Variants in PDE4D observed in about 807,000 individuals in gnomAD.
PDE4D encodes the protein 3',5'-cyclic-AMP phosphodiesterase 4D.
A neutral mutation model predicts 87.4 loss-of-function variants in PDE4D; 24 were observed. The ratio of observed to expected loss-of-function variants is 0.27; its 90% CI spans 0.20 to 0.39. The LOEUF (loss-of-function observed/expected upper bound fraction) is 0.39. PDE4D is among the 10% of genes least tolerant of loss of function. PDE4D has a pLI of 1.00. For missense variants in PDE4D, 714 were observed against 1,041.0 expected, an observed-to-expected ratio of 0.69 and a Z score of 4.32; for synonymous variants, 384 against 383.2, an observed-to-expected ratio of 1.00 and a Z score of -0.02.
At chr5:59,066,898 A>G (rs1449677191) in intron 5 of PDE4D, among the ~76,000 whole-genome samples, 3 of 152,128 alleles carry the variant, frequency 2.0e-5, no homozygotes, top group Non-Finnish European at 4.4e-5. Context: ...CTCACAAAAT[A>G]CCAAGTCTAC....
In PDE4D at chr5:59,200,782, T is replaced by C. The variant is rs190825785; in HGVS notation, c.648-7246A>G. ...AGTACATGCATACATATACATACTT[T>C]GGGAGATATAGAACAACTTAAAGAA... is the stretch of plus-strand genomic sequence containing the variant. On this transcript the variant is annotated intron_variant, in intron 2 of 14. Coordinates refer to ENST00000340635, the MANE Select transcript of PDE4D (RefSeq NM_001104631.2). 2.6e-4 allele frequency among the ~76,000 whole-genome samples: 39 copies of C among 151,750 alleles called. 1 individual carries two copies. The highest frequency in any genetic ancestry group is 9.2e-4 in the African/African-American group (38 of 41,354).
intron 3 of PDE4D, among the ~76,000 whole-genome samples, chr5:59,924,774 C>T (rs1359550901): frequency 6.6e-6 from 1 of 152,114 alleles, no homozygotes; most frequent in East Asian, 1.9e-4. Flanking sequence ...ACAAAACTCA[C>T]TGATGATAGT....
chr5:60,259,024 AT>A (rs1221639070), intron 1 of PDE4D, among the ~76,000 whole-genome samples: 2 of 152,038 alleles, frequency 1.3e-5, no homozygotes, highest in Non-Finnish European at 2.9e-5. Flanking sequence ...CTTTCAAAAC[AT>A]TAATTTCTGC....
chr5:60,121,319 AG>A (rs1319121021), intron 2 of PDE4D, among the ~76,000 whole-genome samples: 1 of 152,106 alleles, frequency 6.6e-6, no homozygotes, highest in East Asian at 1.9e-4. Context: ...GGAAATTCTC[AG>A]CAAGTGTTAC....
In PDE4D at chr5:59,532,765, C is replaced by A. The variant is rs558134494; in HGVS notation, c.456-316797G>T. ...AAAGATATATGGGAAAATCTTAAAGCATGGCAGTAGCCTTCTTTGGTTTCT... is the reference window on the plus strand; with the variant it reads ...AAAGATATATGGGAAAATCTTAAAGAATGGCAGTAGCCTTCTTTGGTTTCT... On this transcript the variant is annotated intron_variant, in intron 1 of 14. Transcript: ENST00000340635. Among the ~76,000 whole-genome samples, 11 of 152,286 alleles carry A rather than the reference C, an allele frequency of 7.2e-5. No individual in the cohort carries two copies. The South Asian group carries it at 2.1e-3, about 29-fold the overall frequency.
intron 6 of PDE4D, among the ~76,000 whole-genome samples, chr5:59,005,576 A>G (rs9283720): frequency 0.21 from 31,358 of 152,146 alleles, 3,687 homozygotes; most frequent in East Asian, 0.54. Flanking sequence ...ATTTGAATAG[A>G]GCCAGAGAGA....
At chr5:59,527,975 C>T (rs1221183109) in intron 1 of PDE4D, among the ~76,000 whole-genome samples, 1 of 152,204 alleles carries the variant, frequency 6.6e-6, no homozygotes, top group Non-Finnish European at 1.5e-5. Flanking sequence ...AACTCCTCAA[C>T]TCCTTTTTTG....
intron 1 of PDE4D, among the ~76,000 whole-genome samples, chr5:59,327,946 G>A (rs1398202306): frequency 1.3e-5 from 2 of 152,036 alleles, no homozygotes; most frequent in Non-Finnish European, 2.9e-5. Flanking sequence ...ATAATGGTAA[G>A]AAAAATTACA....
At chr5:59,470,230 A>G (rs542318642) in intron 1 of PDE4D, among the ~76,000 whole-genome samples, 2 of 152,306 alleles carry the variant, frequency 1.3e-5, no homozygotes, top group East Asian at 3.9e-4. Flanking sequence ...AACTGCAGGG[A>G]CAGAGATAGG....
chr5:59,768,048 C>T (rs1426386302), intron 1 of PDE4D, among the ~76,000 whole-genome samples: 1 of 152,132 alleles, frequency 6.6e-6, no homozygotes, highest in Non-Finnish European at 1.5e-5. Flanking sequence ...ACCTCAACCA[C>T]TCCTAGTACC....
intron 1 of PDE4D, among the ~76,000 whole-genome samples, chr5:59,350,218 A>C (rs1367769176): frequency 6.6e-6 from 1 of 152,024 alleles, no homozygotes; most frequent in Non-Finnish European, 1.5e-5. Context: ...TATGGCTCTT[A>C]TACACTCTCC....
chr5:60,063,921 A>T (rs1459377753), intron 2 of PDE4D, among the ~76,000 whole-genome samples: 1 of 152,040 alleles, frequency 6.6e-6, no homozygotes, highest in Non-Finnish European at 1.5e-5. Flanking sequence ...TGTTTACTTT[A>T]GGGGTAGGAT....
intron 1 of PDE4D, among the ~76,000 whole-genome samples, chr5:59,469,449 A>C (rs763049380): frequency 6.6e-6 from 1 of 152,322 alleles, no homozygotes; most frequent in Non-Finnish European, 1.5e-5. Flanking sequence ...ATAAGTGGCA[A>C]ACATCAGTAG....
At chr5:59,281,373 G>GA (rs774496512) in intron 1 of PDE4D, among the ~76,000 whole-genome samples, 5 of 151,788 alleles carry the variant, frequency 3.3e-5, no homozygotes, top group African/African-American at 1.2e-4. Flanking sequence ...ACTTTTTAAA[G>GA]AAAAAAATGG....
chr5:60,164,660 G>C lies in PDE4D; in HGVS notation c.42+20897C>G, dbSNP rs868582707. On this transcript the variant is annotated intron_variant, in intron 2 of 16. Transcript: ENST00000502484. ...CTCACAGAATGATATAGCCAACATG[G>C]AACTGGCAGTCAAGGAAAATGTGAT... is the stretch of plus-strand genomic sequence containing the variant. 5.3e-4 allele frequency among the ~76,000 whole-genome samples: 80 copies of C among 152,262 alleles called. 1 individual carries two copies. The highest frequency in any genetic ancestry group is 3.4e-3 in the Middle Eastern group (1 of 294).
intron 5 of PDE4D, among the ~76,000 whole-genome samples, chr5:59,122,700 T>C (rs1774759419): frequency 6.6e-6 from 1 of 152,202 alleles, no homozygotes. Context: ...GAAATTCATA[T>C]CACATAAACT....
intron 2 of PDE4D, chr5:60,127,684 G>A (rs1394284879): frequency 5.1e-6 from 3 of 583,804 alleles, no homozygotes; most frequent in South Asian, 2.1e-5. Flanking sequence ...TAAGCAGGCT[G>A]TGAGGGGAAA....
chr5:59,221,564 C>A (rs1044582022), intron 1 of PDE4D, among the ~76,000 whole-genome samples: 2 of 152,018 alleles, frequency 1.3e-5, no homozygotes, highest in Non-Finnish European at 2.9e-5. Flanking sequence ...CTAAGGAGGT[C>A]GAGGCTGAAG....
At chr5:59,581,451 A>C (rs936214663) in intron 1 of PDE4D, among the ~76,000 whole-genome samples, 3 of 152,220 alleles carry the variant, frequency 2.0e-5, no homozygotes, top group Admixed American at 2.0e-4. Context: ...AAGCTAAAAC[A>C]TCATACATTG....
Sources: allele counts gnomAD v4.1 joint callset (sites outside exome capture counted in the v4.1 genomes callset), GRCh38; gene constraint gnomAD v4.1.1; transcripts MANE v1.5; gene names NCBI Gene and HGNC (gene_info 2026-07-23, HGNC 2026-07-21).